Variants in B3GLCT observed in about 807,000 individuals in gnomAD.
The protein encoded by B3GLCT is beta-1,3-glucosyltransferase.
In B3GLCT, 65 loss-of-function variants were observed where a neutral mutation model predicts 63.4. The ratio of observed to expected loss-of-function variants is 1.03; its 90% CI spans 0.84 to 1.26. The LOEUF (loss-of-function observed/expected upper bound fraction) is 1.26. Among genes scored for constraint, B3GLCT ranks in the 50% most tolerant of loss-of-function variants. The pLI is 0.00. For missense variants in B3GLCT, 577 were observed against 604.8 expected, an observed-to-expected ratio of 0.95 and a Z score of 0.48; for synonymous variants, 233 against 219.2, an observed-to-expected ratio of 1.06 and a Z score of -0.55.
Position 31,274,456 on chromosome 13 carries a change from T to C in B3GLCT, c.661-53T>C, listed in dbSNP as rs1872692287. On this transcript the variant is annotated intron_variant, in intron 8 of 14. Coordinates refer to ENST00000343307, the MANE Select transcript of B3GLCT (RefSeq NM_194318.4). The stretch of plus-strand genomic sequence containing the variant: ...CCTTGAGATATTTTGTCCCTTCTTA[T>C]ACTTGTGTTGACTGAGTTCTTTCAT... 15 of 1,612,776 alleles carry C rather than the reference T, an allele frequency of 9.3e-6. No homozygotes were observed. In the South Asian group the frequency reaches 1.5e-4, roughly 17 times the overall value.
chr13:31,301,921 C>G (rs891995019), intron 12 of B3GLCT, among the ~76,000 whole-genome samples: 7 of 152,192 alleles, frequency 4.6e-5, no homozygotes, highest in African/African-American at 1.7e-4. Context: ...TTAATAACCA[C>G]CTAAATATGT....
chr13:31,320,702 A>G (rs1295637744), intron 13 of B3GLCT, among the ~76,000 whole-genome samples: 1 of 152,154 alleles, frequency 6.6e-6, no homozygotes, highest in Non-Finnish European at 1.5e-5. Context: ...ATCTTGGCAG[A>G]TGCTGTTTTA....
chr13:31,222,978 GA>G lies in B3GLCT; in HGVS notation c.152del (p.Asn51MetfsTer3). On this transcript the variant is annotated frameshift_variant, in exon 3 of 15. Coordinates refer to ENST00000343307, the MANE Select transcript of B3GLCT (RefSeq NM_194318.4). LOFTEE classifies it high-confidence loss of function. ...ATTTGGAGAAAAGTGGTATATCAAG[GA>G]AAAATGACATAGGTAAGTAATGATT... Reference protein sequence around the residue: ...QDLEKSGISRKNDIDLKGIVF... With the variant: ...QDLEKSGISRXNDIDLKGIVF... The G allele has an allele frequency of 7.9e-6, 12 of 1,514,680 alleles. No individual in the cohort carries two copies. Among genetic ancestry groups the G allele is most frequent in the Non-Finnish European group, 1.0e-5 (11 of 1,090,310 alleles). 93.8% of individuals were successfully genotyped at this position (1,514,680 alleles called of 1,614,324 possible). A position where few individuals can be genotyped will look rare whatever the true frequency, so the allele number is the denominator to read the frequency against.
chr13:31,209,979 A>G (rs905326973), intron 1 of B3GLCT, among the ~76,000 whole-genome samples: 1 of 152,210 alleles, frequency 6.6e-6, no homozygotes. Flanking sequence ...TTGCTCCCTC[A>G]CAGGAACAGG....
At chr13:31,247,777 T>G in intron 5 of B3GLCT, 78 bp from the exon 6 acceptor site, 1 of 750,662 alleles carries the variant, frequency 1.3e-6, no homozygotes, top group Admixed American at 2.0e-5. Flanking sequence ...CTTCATTCAC[T>G]TCCTACTGAT....
At chr13:31,310,783 G>T (rs1874665378) in intron 12 of B3GLCT, among the ~76,000 whole-genome samples, 1 of 152,246 alleles carries the variant, frequency 6.6e-6, no homozygotes, top group Admixed American at 6.5e-5. Flanking sequence ...ACCCCTTGGG[G>T]CTCCGCAGTT....
At chr13:31,250,970 C>T (rs535487412) in intron 6 of B3GLCT, among the ~76,000 whole-genome samples, 1 of 152,278 alleles carries the variant, frequency 6.6e-6, no homozygotes, top group Non-Finnish European at 1.5e-5. Flanking sequence ...AGAGCTCTGA[C>T]TGGCATCTGG....
At chr13:31,290,943 T>C (rs189362752) in intron 12 of B3GLCT, among the ~76,000 whole-genome samples, 44 of 152,362 alleles carry the variant, frequency 2.9e-4, no homozygotes, top group African/African-American at 9.9e-4. Context: ...CCCATGCCTA[T>C]GTCCTGAATG....
intron 6 of B3GLCT, among the ~76,000 whole-genome samples, chr13:31,254,329 G>A (rs918491088): frequency 6.6e-6 from 1 of 152,180 alleles, no homozygotes; most frequent in African/African-American, 2.4e-5. Context: ...TATCCACCAC[G>A]ATCAAGTTGG....
intron 12 of B3GLCT, among the ~76,000 whole-genome samples, chr13:31,306,644 A>G (rs1326185667): frequency 2.6e-5 from 1 of 38,330 alleles, no homozygotes; most frequent in Non-Finnish European, 6.1e-5. Flanking sequence ...GACCTCTTCA[A>G]GGAGAACTAC....
At chr13:31,228,244 C>G (rs1870200702) in intron 3 of B3GLCT, among the ~76,000 whole-genome samples, 1 of 152,208 alleles carries the variant, frequency 6.6e-6, no homozygotes, top group Admixed American at 6.5e-5. Context: ...ACACCTAATC[C>G]TGGCTAGGTG....
chr13:31,266,062 C>T (rs1872291355), intron 7 of B3GLCT, among the ~76,000 whole-genome samples: 1 of 151,940 alleles, frequency 6.6e-6, no homozygotes, highest in Non-Finnish European at 1.5e-5. Flanking sequence ...TACAGTGGCG[C>T]AGTCTCGCTC....
intron 4 of B3GLCT, among the ~76,000 whole-genome samples, chr13:31,246,435 A>G (rs1871196958): frequency 6.6e-6 from 1 of 152,174 alleles, no homozygotes; most frequent in South Asian, 2.1e-4. Context: ...CAATTCCATT[A>G]TTATGCTATT....
chr13:31,295,401 G>A (rs1378553927), intron 12 of B3GLCT, among the ~76,000 whole-genome samples: 1 of 152,188 alleles, frequency 6.6e-6, no homozygotes, highest in East Asian at 1.9e-4. Context: ...TAAGTCTGCT[G>A]AAGCTGTGCC....
rs1237382524 is a variant in B3GLCT at position 31,260,940 on chromosome 13, T to TA, written c.460-4dup. On this transcript the variant is annotated splice_polypyrimidine_tract_variant and splice_region_variant and intron_variant, in intron 6 of 14. Transcript: ENST00000343307. ...TAAAGTGACATGTTATATCTTTATT[T>TA]AACAGGAATGGTTTTTGGGAAAAGC... 1 of 1,612,624 alleles carries TA rather than the reference T, an allele frequency of 6.2e-7. No homozygotes were observed. Among genetic ancestry groups the TA allele is most frequent in the Non-Finnish European group, 8.5e-7 (1 of 1,178,808 alleles).
intron 4 of B3GLCT, among the ~76,000 whole-genome samples, chr13:31,234,943 G>C (rs1419954251): frequency 2.0e-5 from 3 of 152,118 alleles, no homozygotes; most frequent in Non-Finnish European, 4.4e-5. Flanking sequence ...CATTAAGAGA[G>C]CCAGGACTGG....
At chr13:31,239,477 A>G (rs1870823351) in intron 4 of B3GLCT, among the ~76,000 whole-genome samples, 1 of 152,194 alleles carries the variant, frequency 6.6e-6, no homozygotes, top group Admixed American at 6.5e-5. Context: ...TCAGATGCCT[A>G]TTATGTGCAC....
chr13:31,243,460 T>A (rs996734026), intron 4 of B3GLCT, among the ~76,000 whole-genome samples: 1 of 152,208 alleles, frequency 6.6e-6, no homozygotes, highest in Non-Finnish European at 1.5e-5. Flanking sequence ...TATATATTCA[T>A]CTATTTTAAT....
intron 1 of B3GLCT, among the ~76,000 whole-genome samples, chr13:31,206,806 A>G (rs752695194): frequency 4.0e-4 from 61 of 152,052 alleles, no homozygotes; most frequent in South Asian, 6.2e-4. Context: ...TTCTGGAGAG[A>G]GCAAAGTGTG....
Sources: gnomAD v4.1 joint callset for allele counts (sites outside exome capture counted in the v4.1 genomes callset) on GRCh38, gnomAD v4.1.1 for gene constraint, MANE v1.5 for transcripts, NCBI Gene and HGNC (gene_info 2026-07-23, HGNC 2026-07-21) for gene names.